The following SEC61A1 variants were observed in gnomAD, a reference collection of about 807,000 sequenced individuals.
The protein encoded by SEC61A1 is protein transport protein Sec61 subunit alpha isoform 1.
In SEC61A1, 15 loss-of-function variants were observed where a neutral mutation model predicts 55.2. That is an observed-to-expected ratio of 0.27 (90% CI 0.18 to 0.42). SEC61A1 has a LOEUF of 0.42. Ranked by LOEUF, SEC61A1 falls within the 10% of genes least tolerant of loss-of-function variation. The pLI is 1.00. For synonymous variants in SEC61A1, 247 were observed against 234.0 expected (o/e 1.06, Z -0.51); for missense variants, 284 against 602.6 (o/e 0.47, Z 5.53).
chr3:128,067,137 C>T lies in SEC61A1; in HGVS notation c.961C>T (p.Leu321=), dbSNP rs1942003982. The T allele has an allele frequency of 6.2e-7, 1 of 1,614,094 alleles. No homozygotes were observed. Among genetic ancestry groups the T allele is most frequent in the African/African-American group, 1.3e-5 (1 of 74,946 alleles). ...RFSGNLLVSL[L]GTWSDTSSGG... ...CAGTGGCAACTTGCTGGTCAGCCTG[C>T]TGGGCACCTGGTCGGTAAGTAGGCT... Residue 321 remains leucine, a synonymous_variant, in exon 9 of 12, where the codon CTG becomes TTG. Coordinates refer to ENST00000243253, the MANE Select transcript of SEC61A1 (RefSeq NM_013336.4). The surrounding 1 kb of genome is among the most constrained non-coding windows in gnomAD (Gnocchi z 4.1).
Position 128,067,682 on chromosome 3 carries a change from C to T in SEC61A1, c.1167+70C>T, listed in dbSNP as rs1942024346. On this transcript the variant is annotated intron_variant, in intron 10 of 11. Transcript: ENST00000243253. The surrounding 1 kb of genome is among the most constrained non-coding windows in gnomAD (Gnocchi z 4.1). The stretch of plus-strand genomic sequence containing the variant: ...TGGTATAAGGGGTGTGGACTTGTCA[C>T]CTCATCATAAATAATGGTCTGTGAC... 8.1e-7 allele frequency: 1 copy of T among 1,232,516 alleles called. No individual in the cohort carries two copies. Among genetic ancestry groups the T allele is most frequent in the Admixed American group, 2.1e-5 (1 of 47,602 alleles). The allele number at this position is 1,232,516 out of a possible 1,614,324, so 76.3% of individuals were successfully genotyped here. A position where few individuals can be genotyped will look rare whatever the true frequency, so the allele number is the denominator to read the frequency against.
chr3:128,068,142 A>G (rs1258532487), intron 11 of SEC61A1, 83 bp downstream of exon 11: 2 of 978,196 alleles, frequency 2.0e-6, no homozygotes, highest in African/African-American at 1.6e-5. Context: ...GATAGGCCCT[A>G]GCACTTACTG....
Position 128,069,660 on chromosome 3 carries a change from T to C in SEC61A1, c.1429T>C (p.Ter477ArgextTer46). Residue 477 changes from the stop codon to arginine, a stop_lost, in exon 12 of 12, where the codon TGA becomes CGA. Transcript: ENST00000243253. The stretch of plus-strand genomic sequence containing the variant: ...TGGCAGCATGGGGGCCCTGCTCTTC[T>C]GAGCCCGTCTCCCGGACAGGTTGAG... ...EVGSMGALLF[*>R] 1 of 1,613,924 alleles carries C rather than the reference T, an allele frequency of 6.2e-7. No homozygotes were observed. Among genetic ancestry groups the C allele is most frequent in the Non-Finnish European group, 8.5e-7 (1 of 1,179,904 alleles).
At chr3:128,062,246 T>G (rs562785826) in intron 7 of SEC61A1, among the ~76,000 whole-genome samples, 20 of 152,090 alleles carry the variant, frequency 1.3e-4, no homozygotes, top group African/African-American at 4.6e-4. Flanking sequence ...GGCCTGCATG[T>G]GGGCAGTGAG....
chr3:128,056,249 A>G (rs1941768516), intron 4 of SEC61A1, among the ~76,000 whole-genome samples: 1 of 152,246 alleles, frequency 6.6e-6, no homozygotes, highest in African/African-American at 2.4e-5. Context: ...TAAAAAATAT[A>G]GTTCAATTAA....
At position 128,055,726 on chromosome 3, in the gene SEC61A1, G is replaced by A; in HGVS notation, c.195G>A (p.Met65Ile). Reference sequence around the variant, plus strand: ...ATTCAGCTGACCCTTTCTATTGGATGAGAGTGATTCTAGCCTCTAACAGAG... The same window carrying A: ...ATTCAGCTGACCCTTTCTATTGGATAAGAGTGATTCTAGCCTCTAACAGAG... Reference protein sequence around the residue: ...SSDSADPFYWMRVILASNRGT... With the variant: ...SSDSADPFYWIRVILASNRGT... The change falls in exon 4 of 12, where the codon ATG becomes ATA. Residue 65 changes from methionine (M) to isoleucine (I), a missense_variant. Transcript: ENST00000243253. 2 of 1,614,126 alleles carry A rather than the reference G, an allele frequency of 1.2e-6. No homozygotes were observed. The highest frequency in any genetic ancestry group is 2.2e-5 in the South Asian group (2 of 91,090).
At chr3:128,052,380 G>GCCCGGC (rs1050506572), upstream of SEC61A1, 16 of 1,131,010 alleles carry the variant, frequency 1.4e-5, no homozygotes, top group Middle Eastern at 3.6e-4. Flanking sequence ...GCGATCCGAG[G>GCCCGGC]CCCGGCCCCG....
intron 5 of SEC61A1, among the ~76,000 whole-genome samples, chr3:128,058,365 C>T (rs957426549): frequency 5.3e-5 from 8 of 151,990 alleles, no homozygotes; most frequent in South Asian, 4.2e-4. Context: ...CCCGCCACCA[C>T]GCCCAGCTAA....
In SEC61A1 at chr3:128,071,169, G is replaced by C. The variant is rs985445985; in HGVS notation, c.*1507G>C. 6.5e-6 allele frequency: 1 copy of C among 152,672 alleles called. No homozygotes were observed. Among genetic ancestry groups the C allele is most frequent in the Non-Finnish European group, 1.5e-5 (1 of 68,444 alleles). 9.5% of individuals were successfully genotyped at this position (152,672 alleles called of 1,614,324 possible). A position where few individuals can be genotyped will look rare whatever the true frequency, so the allele number is the denominator to read the frequency against. ...CTAGCCAGGAAACAGAGTGACCAAG[G>C]GACAAGAAGGGACTTGCCTAAAGCC... is the stretch of plus-strand genomic sequence containing the variant. On this transcript the variant is annotated 3_prime_UTR_variant, in exon 12 of 12. Transcript: ENST00000243253.
chr3:128,065,101 G>A (rs754918599), intron 8 of SEC61A1, 64 bp downstream of exon 8: 1 of 1,525,240 alleles, frequency 6.6e-7, no homozygotes, highest in Admixed American at 1.7e-5. Flanking sequence ...AATGCCTTGT[G>A]TGCAGTCCCC....
At chr3:128,057,961 T>G (rs1051677157) in intron 5 of SEC61A1, among the ~76,000 whole-genome samples, 4 of 152,172 alleles carry the variant, frequency 2.6e-5, no homozygotes, top group East Asian at 1.9e-4. Context: ...ATAGCTCTTA[T>G]GTTTCACTTT....
intron 2 of SEC61A1, among the ~76,000 whole-genome samples, chr3:128,054,074 T>C (rs1286689616): frequency 6.6e-6 from 1 of 152,092 alleles, no homozygotes. Flanking sequence ...TGGGGAACAT[T>C]AGGAGATGAA....
In SEC61A1 at chr3:128,067,257, G is replaced by A. The variant is rs1486674914; in HGVS notation, c.975+106G>A. 25 of 1,348,810 alleles carry A rather than the reference G, an allele frequency of 1.9e-5. No homozygotes were observed. The highest frequency in any genetic ancestry group is 1.9e-5 in the Admixed American group (1 of 52,602). The allele number at this position is 1,348,810 out of a possible 1,614,324, so 83.6% of individuals were successfully genotyped here. ...ATTTCATCCAAAGATATTTTCCATT[G>A]TGCCTTTTACAAATTCAGCACATTA... On this transcript the variant is annotated intron_variant, in intron 9 of 11. Coordinates refer to ENST00000243253, the MANE Select transcript of SEC61A1 (RefSeq NM_013336.4). This position sits in a 1 kb window ranked among gnomAD's most constrained non-coding sequence, Gnocchi z 4.1.
At chr3:128,052,004 C>G, upstream of SEC61A1, 4 of 929,600 alleles carry the variant, frequency 4.3e-6, no homozygotes, top group Non-Finnish European at 6.7e-6. Flanking sequence ...AAGGTCCCTG[C>G]TCCAGGGAGC....
rs1941711754 is a variant in SEC61A1 at position 128,052,906 on chromosome 3, A to C, written c.75+4A>C. ...AATTCAGAAGCCAGAGAGGAAGGTAAGTACCCCAAATCGCCAACAAAGAAG... is the reference window on the plus strand; with the variant it reads ...AATTCAGAAGCCAGAGAGGAAGGTACGTACCCCAAATCGCCAACAAAGAAG... On this transcript the variant is annotated splice_donor_region_variant and intron_variant, in intron 2 of 11. Coordinates refer to ENST00000243253, the MANE Select transcript of SEC61A1 (RefSeq NM_013336.4). 2 of 1,609,842 alleles carry C rather than the reference A, an allele frequency of 1.2e-6. No homozygotes were observed. Among genetic ancestry groups the C allele is most frequent in the Non-Finnish European group, 1.7e-6 (2 of 1,177,536 alleles).
rs764693243 is a variant in SEC61A1, at chr3:128,052,933, T to A, written c.75+31T>A. On this transcript the variant is annotated intron_variant, in intron 2 of 11. Coordinates refer to ENST00000243253, the MANE Select transcript of SEC61A1 (RefSeq NM_013336.4). The stretch of plus-strand genomic sequence containing the variant: ...TACCCCAAATCGCCAACAAAGAAGG[T>A]TTCAGGAAACTGTCTGGACTCTGGA... 1.5e-5 allele frequency: 23 copies of A among 1,573,692 alleles called. 1 individual carries two copies. The South Asian group carries it at 2.3e-4, about 16-fold the overall frequency.
intron 2 of SEC61A1, among the ~76,000 whole-genome samples, chr3:128,054,936 C>G (rs1941750424): frequency 2.0e-5 from 3 of 152,106 alleles, no homozygotes; most frequent in Admixed American, 2.0e-4. Flanking sequence ...TGTGAAAATC[C>G]TTAAACAAAT....
chr3:128,059,022 A>C (rs146054659), intron 5 of SEC61A1, among the ~76,000 whole-genome samples: 55 of 152,040 alleles, frequency 3.6e-4, no homozygotes, highest in African/African-American at 6.5e-4. Context: ...CTTTGGAGTA[A>C]AATTAATTTT....
chr3:128,052,951 A>T lies in SEC61A1; in HGVS notation c.75+49A>T, dbSNP rs201687163. 37 of 1,440,034 alleles carry T rather than the reference A, an allele frequency of 2.6e-5. No homozygotes were observed. In the African/African-American group the frequency reaches 5.3e-4, roughly 21 times the overall value. The allele number at this position is 1,440,034 out of a possible 1,614,324, so 89.2% of individuals were successfully genotyped here. On this transcript the variant is annotated intron_variant, in intron 2 of 11. Transcript: ENST00000243253. ...AAGAAGGTTTCAGGAAACTGTCTGG[A>T]CTCTGGAAGTTTACAGTATGATTAA...
Sources: gnomAD v4.1 joint callset for allele counts (sites outside exome capture counted in the v4.1 genomes callset) on GRCh38, gnomAD v4.1.1 for gene constraint, Gnocchi (gnomAD v3.1) non-coding constraint, MANE v1.5 for transcripts, NCBI Gene and HGNC (gene_info 2026-07-23, HGNC 2026-07-21) for gene names.